USP6NL: variants seen among roughly 807,000 people sequenced by gnomAD.
USP6NL encodes the protein USP6 N-terminal like.
Under a neutral mutation model 61.9 loss-of-function variants are expected in USP6NL, and 26 were observed. The ratio of observed to expected loss-of-function variants is 0.42; its 90% CI spans 0.31 to 0.58. The LOEUF (loss-of-function observed/expected upper bound fraction) is 0.58, where lower values mean the gene tolerates loss of function less well. Ranked by LOEUF, USP6NL falls within the 20% of genes least tolerant of loss-of-function variation. USP6NL has a pLI of 0.16. For synonymous variants in USP6NL, 432 were observed against 390.1 expected, an observed-to-expected ratio of 1.11 and a Z score of -1.27; for missense variants, 1,114 against 1,034.3, an observed-to-expected ratio of 1.08 and a Z score of -1.06.
intron 2 of USP6NL, among the ~76,000 whole-genome samples, chr10:11,546,232 T>C (rs1000757508): frequency 5.9e-5 from 9 of 152,302 alleles, no homozygotes; most frequent in East Asian, 3.9e-4. Context: ...CACAGGACCA[T>C]ACCAGCAGTG....
intron 7 of USP6NL, 124 bp downstream of exon 7, chr10:11,500,977 C>T: frequency 2.8e-6 from 2 of 719,788 alleles, no homozygotes; most frequent in Non-Finnish European, 2.0e-6. Flanking sequence ...CCAAAACCTC[C>T]AATGCGATAG....
chr10:11,466,537 G>A (rs942604545), intron 14 of USP6NL, among the ~76,000 whole-genome samples: 6 of 152,200 alleles, frequency 3.9e-5, no homozygotes, highest in African/African-American at 7.2e-5. Flanking sequence ...TTATAGATCC[G>A]CTATGAGGAT....
chr10:11,469,201 T>C (rs1566113671), intron 14 of USP6NL, among the ~76,000 whole-genome samples: 1 of 152,368 alleles, frequency 6.6e-6, no homozygotes, highest in African/African-American at 2.4e-5. Flanking sequence ...TAAAGTTCTT[T>C]CATGGCAGCC....
In USP6NL at chr10:11,489,242, A is replaced by G; in HGVS notation, c.544-20T>C. ...GACTTCCTGGGGAGCAAAGGGGAAC[A>G]CAGAAGCTGGGGAGTTCAGTCGAAT... On this transcript the variant is annotated intron_variant, in intron 9 of 14. Coordinates refer to ENST00000609104, the MANE Select transcript of USP6NL (RefSeq NM_014688.5). The surrounding 1 kb of genome is among the most constrained non-coding windows in gnomAD (Gnocchi z 5.7). 1 of 1,613,126 alleles carries G rather than the reference A, an allele frequency of 6.2e-7. No individual in the cohort carries two copies. The highest frequency in any genetic ancestry group is 8.5e-7 in the Non-Finnish European group (1 of 1,179,376).
In USP6NL at chr10:11,460,615, T is replaced by C. The variant is rs1266684733; in HGVS notation, c.*1826A>G. On this transcript the variant is annotated 3_prime_UTR_variant, in exon 15 of 15. Transcript: ENST00000609104. ...AAAATAGTGCTTGTGTGTATATATA[T>C]ATTTTTTGCATATATATATATATAT... The C allele has an allele frequency of 3.1e-5, 4 of 129,412 alleles. No individual in the cohort carries two copies. The highest frequency in any genetic ancestry group is 2.6e-4 in the South Asian group (1 of 3,914). The allele number at this position is 129,412 out of a possible 1,614,324, so 8.0% of individuals were successfully genotyped here. A position where few individuals can be genotyped will look rare whatever the true frequency, so the allele number is the denominator to read the frequency against.
chr10:11,474,934 G>A lies in USP6NL; in HGVS notation c.1078+6836C>T, dbSNP rs899893138. Among the ~76,000 whole-genome samples, 2 of 152,132 alleles carry A rather than the reference G, an allele frequency of 1.3e-5. No homozygotes were observed. Among genetic ancestry groups the A allele is most frequent in the Non-Finnish European group, 2.9e-5 (2 of 68,010 alleles). On this transcript the variant is annotated intron_variant, in intron 14 of 14. Coordinates refer to ENST00000609104, the MANE Select transcript of USP6NL (RefSeq NM_014688.5). The surrounding 1 kb of genome is among the most constrained non-coding windows in gnomAD (Gnocchi z 4.9). ...CACTAAGGAGTGTGGATGTTCTCCC[G>A]TAAGCACTGAAGTACCCCGAAGGCT...
In USP6NL at chr10:11,611,009, C is replaced by G. The variant is rs939189187; in HGVS notation, c.-84+434G>C. Among the ~76,000 whole-genome samples, 6 of 152,148 alleles carry G rather than the reference C, an allele frequency of 3.9e-5. No homozygotes were observed. The highest frequency in any genetic ancestry group is 7.4e-5 in the Non-Finnish European group (5 of 68,006). On this transcript the variant is annotated intron_variant, in intron 1 of 14. Transcript: ENST00000609104. The surrounding 1 kb of genome is among the most constrained non-coding windows in gnomAD (Gnocchi z 5.3). ...TCGCCCCATCCTCCCCTCGCCTGGT[C>G]CAAACAAAGTTCCGCGGCATCAAGG... is the stretch of plus-strand genomic sequence containing the variant.
intron 2 of USP6NL, among the ~76,000 whole-genome samples, chr10:11,555,106 TTG>T (rs200715165): frequency 4.0e-4 from 54 of 135,982 alleles, no homozygotes; most frequent in African/African-American, 5.2e-4. Context: ...TTTTTTTTTT[TTG>T]GTTTTTTTTT....
chr10:11,591,535 G>A lies in USP6NL; in HGVS notation c.4+6096C>T, dbSNP rs1838158300. ...TACTACTATAGTAATTTACATTTATGCAAAAAATTAAATCACCAAATAAAA... is the reference window on the plus strand; with the variant it reads ...TACTACTATAGTAATTTACATTTATACAAAAAATTAAATCACCAAATAAAA... On this transcript the variant is annotated intron_variant, in intron 2 of 14. Transcript: ENST00000609104. The surrounding 1 kb of genome is among the most constrained non-coding windows in gnomAD (Gnocchi z 4.7). Among the ~76,000 whole-genome samples, 1 of 151,978 alleles carries A rather than the reference G, an allele frequency of 6.6e-6. No individual in the cohort carries two copies. The highest frequency in any genetic ancestry group is 6.6e-5 in the Admixed American group (1 of 15,266).
rs966042573 is a variant in USP6NL at position 11,548,224 on chromosome 10, A to G, written c.5-20657T>C. Among the ~76,000 whole-genome samples, 3 of 152,234 alleles carry G rather than the reference A, an allele frequency of 2.0e-5. No individual in the cohort carries two copies. The highest frequency in any genetic ancestry group is 4.4e-5 in the Non-Finnish European group (3 of 68,038). ...ACATATTCACACTGTCTAACACATGACATTTACTAAAGTCCCCTTTGAAAT... is the reference window on the plus strand; with the variant it reads ...ACATATTCACACTGTCTAACACATGGCATTTACTAAAGTCCCCTTTGAAAT... On this transcript the variant is annotated intron_variant, in intron 2 of 14. Transcript: ENST00000609104. This position sits in a 1 kb window ranked among gnomAD's most constrained non-coding sequence, Gnocchi z 4.3.
intron 2 of USP6NL, among the ~76,000 whole-genome samples, chr10:11,533,759 G>A (rs1591898616): frequency 6.6e-6 from 1 of 152,212 alleles, no homozygotes; most frequent in Non-Finnish European, 1.5e-5. Context: ...CACCAAGTTT[G>A]TGGTAAGTCA....
intron 7 of USP6NL, among the ~76,000 whole-genome samples, chr10:11,497,954 T>C (rs1263923208): frequency 6.6e-6 from 1 of 151,992 alleles, no homozygotes; most frequent in Non-Finnish European, 1.5e-5. Flanking sequence ...ATTGGCATTA[T>C]TGGCCAGGCA....
rs182784933 is a variant in USP6NL, at chr10:11,490,196, A to G, written c.543+636T>C. Among the ~76,000 whole-genome samples, 2 of 152,332 alleles carry G rather than the reference A, an allele frequency of 1.3e-5. No homozygotes were observed. Among genetic ancestry groups the G allele is most frequent in the East Asian group, 3.9e-4 (2 of 5,180 alleles). ...TTATAATTTAAAGGTTTTAACTACA[A>G]TAGAAATTATACATCCCAAGGTTCA... On this transcript the variant is annotated intron_variant, in intron 9 of 14. Transcript: ENST00000609104. The surrounding 1 kb of genome is among the most constrained non-coding windows in gnomAD (Gnocchi z 4.5).
intron 2 of USP6NL, among the ~76,000 whole-genome samples, chr10:11,579,967 G>T (rs932370123): frequency 3.4e-5 from 5 of 147,932 alleles, no homozygotes; most frequent in Admixed American, 6.8e-5. Flanking sequence ...GAGTGGCGGG[G>T]GGGGGGCAGC....
intron 2 of USP6NL, among the ~76,000 whole-genome samples, chr10:11,570,788 C>T (rs529629321): frequency 6.6e-6 from 1 of 152,292 alleles, no homozygotes; most frequent in Non-Finnish European, 1.5e-5. Context: ...CCTTGCCAAT[C>T]TAGTGGAGCT....
chr10:11,546,724 GTTC>G (rs1836285791), intron 2 of USP6NL, among the ~76,000 whole-genome samples: 1 of 152,132 alleles, frequency 6.6e-6, no homozygotes, highest in African/African-American at 2.4e-5. Context: ...TTGGCTTTCT[GTTC>G]TTCTACAAAT....
intron 13 of USP6NL, 42 bp downstream of exon 13, chr10:11,484,929 T>A: frequency 6.9e-7 from 1 of 1,447,554 alleles, no homozygotes; most frequent in Non-Finnish European, 9.2e-7. Context: ...TAAATAAGCC[T>A]CAATTTTTAA....
intron 2 of USP6NL, among the ~76,000 whole-genome samples, chr10:11,527,892 T>A (rs147864764): frequency 4.8e-4 from 73 of 152,326 alleles, no homozygotes; most frequent in Middle Eastern, 3.4e-3. Context: ...AGTTTTCAGA[T>A]GAAGCCCACT....
At chr10:11,466,666 T>C (rs1832466965) in intron 14 of USP6NL, among the ~76,000 whole-genome samples, 3 of 152,238 alleles carry the variant, frequency 2.0e-5, no homozygotes, top group African/African-American at 7.2e-5. Context: ...GCATATGTTC[T>C]GAGAAATAAG....
Sources: gnomAD v4.1 joint callset for allele counts (sites outside exome capture counted in the v4.1 genomes callset) on GRCh38, gnomAD v4.1.1 for gene constraint, Gnocchi (gnomAD v3.1) non-coding constraint, MANE v1.5 for transcripts, NCBI Gene and HGNC (gene_info 2026-07-23, HGNC 2026-07-21) for gene names.